Variants in CMIP observed in about 807,000 individuals in gnomAD.
The protein encoded by CMIP is c-Maf inducing protein, also known as C-Maf-inducing protein.
In CMIP, 13 loss-of-function variants were observed where a neutral mutation model predicts 97.3. The observed-to-expected ratio is 0.13, with a 90% confidence interval of 0.09 to 0.21. The LOEUF (loss-of-function observed/expected upper bound fraction) is 0.21. Among genes scored for constraint, CMIP ranks in the 10% least tolerant of loss-of-function variants. The pLI is 1.00. For synonymous variants in CMIP, 538 were observed against 436.3 expected (o/e 1.23, Z -2.91); for missense variants, 847 against 1,024.9 (o/e 0.83, Z 2.37).
At chr16:81,525,752 C>T (rs1265010494) in intron 1 of CMIP, among the ~76,000 whole-genome samples, 1 of 152,240 alleles carries the variant, frequency 6.6e-6, no homozygotes, top group Non-Finnish European at 1.5e-5. Context: ...ACTCCGTCCT[C>T]ATTAAATGAT....
intron 1 of CMIP, among the ~76,000 whole-genome samples, chr16:81,548,833 A>C (rs1318353347): frequency 6.6e-6 from 1 of 152,166 alleles, no homozygotes; most frequent in Non-Finnish European, 1.5e-5. Flanking sequence ...GTGACAGAGC[A>C]AGATTCTGTC....
At chr16:81,629,766 G>A (rs1311292100) in intron 3 of CMIP, among the ~76,000 whole-genome samples, 2 of 152,220 alleles carry the variant, frequency 1.3e-5, no homozygotes, top group African/African-American at 4.8e-5. Flanking sequence ...CCCAAGGGAG[G>A]CTTCCTAATG....
At position 81,478,120 on chromosome 16, in the gene CMIP, C is replaced by A. The variant is rs139283113; in HGVS notation, c.300+32579C>A. On this transcript the variant is annotated intron_variant, in intron 1 of 20. Transcript: ENST00000537098. ...CATCTCTGCCACTGCCCTTCCCCCC[C>A]ACCCCAGAAAGTATCCCAGGGCCAG... 9.2e-3 allele frequency among the ~76,000 whole-genome samples: 1,404 copies of A among 152,320 alleles called. 22 individuals are homozygous for A. Among genetic ancestry groups the A allele is most frequent in the African/African-American group, 0.031 (1,303 of 41,566 alleles).
At chr16:81,470,249 G>A (rs1226927012) in intron 1 of CMIP, among the ~76,000 whole-genome samples, 1 of 152,268 alleles carries the variant, frequency 6.6e-6, no homozygotes, top group Non-Finnish European at 1.5e-5. Flanking sequence ...AGGCGCCGCA[G>A]GGATGCTGGG....
chr16:81,580,843 G>A (rs1030742917), intron 1 of CMIP, among the ~76,000 whole-genome samples: 1 of 152,044 alleles, frequency 6.6e-6, no homozygotes, highest in African/African-American at 2.4e-5. Flanking sequence ...TAGCAAATTC[G>A]CGATGTTGTG....
chr16:81,657,088 A>G (rs1049696155), intron 4 of CMIP, among the ~76,000 whole-genome samples: 2 of 152,214 alleles, frequency 1.3e-5, no homozygotes, highest in African/African-American at 4.8e-5. Context: ...CATGTTCCCA[A>G]GCATTTTCAG....
At chr16:81,501,847 A>G (rs151251128) in intron 1 of CMIP, among the ~76,000 whole-genome samples, 197 of 152,196 alleles carry the variant, frequency 1.3e-3, no homozygotes, top group African/African-American at 4.2e-3. Flanking sequence ...CCTGACCTCA[A>G]GTGATCCGCC....
At chr16:81,542,777 T>A (rs1380009987) in intron 1 of CMIP, among the ~76,000 whole-genome samples, 2 of 152,134 alleles carry the variant, frequency 1.3e-5, no homozygotes, top group Non-Finnish European at 2.9e-5. Context: ...GGCCCCAACT[T>A]CATGACCTCC....
intron 10 of CMIP, among the ~76,000 whole-genome samples, chr16:81,679,814 C>T (rs903232932): frequency 2.0e-5 from 3 of 152,152 alleles, no homozygotes; most frequent in African/African-American, 4.8e-5. Flanking sequence ...CCACCTGACA[C>T]ATCTCAAACC....
intron 1 of CMIP, among the ~76,000 whole-genome samples, chr16:81,510,134 T>C (rs879679090): frequency 6.6e-6 from 1 of 152,186 alleles, no homozygotes; most frequent in Non-Finnish European, 1.5e-5. Flanking sequence ...TCTATCAAGG[T>C]ATTGACGACA....
intron 1 of CMIP, among the ~76,000 whole-genome samples, chr16:81,487,303 C>T (rs976976148): frequency 7.2e-5 from 11 of 152,032 alleles, no homozygotes; most frequent in African/African-American, 2.4e-4. Flanking sequence ...CTGTCCCGGG[C>T]GGTCACGGCG....
At chr16:81,642,043 A>C (rs957733779) in intron 3 of CMIP, among the ~76,000 whole-genome samples, 2 of 152,256 alleles carry the variant, frequency 1.3e-5, no homozygotes, top group Admixed American at 1.3e-4. Context: ...ATGATTTAAA[A>C]TGTATTTATA....
intron 1 of CMIP, among the ~76,000 whole-genome samples, chr16:81,502,521 T>A (rs755572149): frequency 1.1e-4 from 16 of 152,098 alleles, no homozygotes; most frequent in Non-Finnish European, 2.1e-4. Flanking sequence ...ATTAACTCAT[T>A]CGCTCAGCGA....
At chr16:81,457,600 G>T (rs1906633089) in intron 1 of CMIP, among the ~76,000 whole-genome samples, 1 of 152,202 alleles carries the variant, frequency 6.6e-6, no homozygotes, top group Non-Finnish European at 1.5e-5. Flanking sequence ...TCTGCCACAT[G>T]TCCCCGGGGG....
chr16:81,670,627 G>A (rs369049323), intron 8 of CMIP, among the ~76,000 whole-genome samples: 4 of 148,286 alleles, frequency 2.7e-5, no homozygotes, highest in South Asian at 2.3e-4. Context: ...TTTTGGGGGG[G>A]GGGGGGGTGG....
Position 81,602,560 on chromosome 16 carries a change from C to G in CMIP, c.301-5007C>G, listed in dbSNP as rs146004050. On this transcript the variant is annotated intron_variant, in intron 1 of 20. Coordinates refer to ENST00000537098, the MANE Select transcript of CMIP (RefSeq NM_198390.3). ...CAGTCAATACAGAGAATATTCCCAT[C>G]ACCCCCAAGAGTCCCCCTGCCCCTC... Among the ~76,000 whole-genome samples the G allele has an allele frequency of 5.2e-3, 792 of 152,352 alleles. 10 individuals carry two copies. Among genetic ancestry groups the G allele is most frequent in the African/African-American group, 0.018 (759 of 41,584 alleles).
Position 81,707,103 on chromosome 16 carries a change from C to T in CMIP, c.2268+19C>T, listed in dbSNP as rs1481807982. ...TCTGAAGGTAATTCCCTCCTTCCTC[C>T]CCACTCTCCTCCCCTCCTTCTTCTA... On this transcript the variant is annotated intron_variant, in intron 20 of 20. Coordinates refer to ENST00000537098, the MANE Select transcript of CMIP (RefSeq NM_198390.3). 1 of 1,606,058 alleles carries T rather than the reference C, an allele frequency of 6.2e-7. No homozygotes were observed. The highest frequency in any genetic ancestry group is 8.5e-7 in the Non-Finnish European group (1 of 1,172,876).
intron 1 of CMIP, among the ~76,000 whole-genome samples, chr16:81,527,981 A>G (rs1237477400): frequency 6.6e-6 from 1 of 152,154 alleles, no homozygotes; most frequent in Non-Finnish European, 1.5e-5. Context: ...GCATAGGTTC[A>G]CCTTTTGTAG....
intron 2 of CMIP, among the ~76,000 whole-genome samples, chr16:81,610,920 C>T (rs967563804): frequency 6.6e-6 from 1 of 152,064 alleles, no homozygotes; most frequent in African/African-American, 2.4e-5. Context: ...AGAGAACAAC[C>T]CCTTTGGCCC....
Sources: gnomAD v4.1 joint callset for allele counts (sites outside exome capture counted in the v4.1 genomes callset) on GRCh38, gnomAD v4.1.1 for gene constraint, MANE v1.5 for transcripts, NCBI Gene and HGNC (gene_info 2026-07-23, HGNC 2026-07-21) for gene names.